BBS7: variants seen among roughly 807,000 people sequenced by gnomAD.
BBS7 encodes the protein Bardet-Biedl syndrome 7.
BBS7 carries 50 observed loss-of-function variants against 90.3 expected under a neutral mutation model. That is an observed-to-expected ratio of 0.55 (90% CI 0.44 to 0.70). The LOEUF (loss-of-function observed/expected upper bound fraction) is 0.70, where lower values mean the gene tolerates loss of function less well. Among genes scored for constraint, BBS7 ranks in the 30% least tolerant of loss-of-function variants. BBS7 has a pLI of 0.00. For missense variants in BBS7, 729 were observed against 838.9 expected, an observed-to-expected ratio of 0.87 and a Z score of 1.62; for synonymous variants, 235 against 287.4, an observed-to-expected ratio of 0.82 and a Z score of 1.85.
intron 3 of BBS7, among the ~76,000 whole-genome samples, chr4:121,862,208 T>C (rs1023855096): frequency 3.3e-5 from 5 of 152,220 alleles, no homozygotes; most frequent in African/African-American, 1.2e-4. Flanking sequence ...GTTAAAGGAC[T>C]ATAGAATTTA....
rs372685495 is a variant in BBS7, at chr4:121,839,665, C to T, written c.1337G>A (p.Arg446Gln). The stretch of plus-strand genomic sequence containing the variant: ...CAGCCTTGTAGTATCTGCCTGGCAC[C>T]GATAAGTGGCAAGAAGGAAGTTGTC... ...SNDNFLLATYRCQADTTRLEL... is the reference protein window; with the variant it reads ...SNDNFLLATYQCQADTTRLEL... The change falls in exon 13 of 19, where the codon CGG becomes CAG. Residue 446 changes from arginine (R) to glutamine (Q), a missense_variant. Coordinates refer to ENST00000264499, the MANE Select transcript of BBS7 (RefSeq NM_176824.3). 2.2e-4 allele frequency: 348 copies of T among 1,613,628 alleles called. 7 individuals are homozygous for T. The South Asian group carries it at 3.6e-3, about 17-fold the overall frequency.
At chr4:121,862,846 A>G (rs1273876054) in intron 3 of BBS7, among the ~76,000 whole-genome samples, 1 of 152,158 alleles carries the variant, frequency 6.6e-6, no homozygotes, top group African/African-American at 2.4e-5. Context: ...TTGGAATAAG[A>G]CCCCACACTC....
Position 121,833,362 on chromosome 4 carries a change from G to C in BBS7, c.1545C>G (p.Phe515Leu). 1 of 1,613,992 alleles carries C rather than the reference G, an allele frequency of 6.2e-7. No homozygotes were observed. The highest frequency in any genetic ancestry group is 8.5e-7 in the Non-Finnish European group (1 of 1,179,926). ...CCCAGGAGTGAACTTCAGCAAAACT[G>C]AACTGGCCTGTTAGGGTCAGTGTAT... ...PMNTLTLTGQ[F>L]SFAEVHSWVV... The change falls in exon 15 of 19, where the codon TTC becomes TTG. Residue 515 changes from phenylalanine (F) to leucine (L), a missense_variant. Coordinates refer to ENST00000264499, the MANE Select transcript of BBS7 (RefSeq NM_176824.3).
At chr4:121,846,514 T>TTCTAGC in intron 10 of BBS7, among the ~76,000 whole-genome samples, 1 of 152,306 alleles carries the variant, frequency 6.6e-6, no homozygotes, top group Non-Finnish European at 1.5e-5. Context: ...CAGATATAAG[T>TTCTAGC]TTCTCATAAA....
At chr4:121,835,085 A>C in intron 14 of BBS7, 59 bp downstream of exon 14, 1 of 1,558,658 alleles carries the variant, frequency 6.4e-7, no homozygotes. Flanking sequence ...AAAATAAAAA[A>C]CAGGTCTATT....
intron 8 of BBS7, among the ~76,000 whole-genome samples, chr4:121,852,196 G>A (rs1278645947): frequency 2.0e-5 from 3 of 152,118 alleles, no homozygotes; most frequent in Non-Finnish European, 4.4e-5. Context: ...CAAACCACTT[G>A]TATTTTCTGA....
At chr4:121,834,376 C>T (rs1725342607) in intron 14 of BBS7, among the ~76,000 whole-genome samples, 2 of 152,142 alleles carry the variant, frequency 1.3e-5, no homozygotes, top group African/African-American at 4.8e-5. Flanking sequence ...AGTCTGTTCT[C>T]TTAAATGTTT....
Position 121,861,529 on chromosome 4 carries a change from T to C in BBS7, c.316A>G (p.Asn106Asp). Residue 106 changes from asparagine to aspartate, a missense_variant, in exon 4 of 19, where the codon AAC (asparagine) becomes GAC (aspartate). Physicochemically the swap from Asn to Asp is conservative, Grantham distance 23. Coordinates refer to ENST00000264499, the MANE Select transcript of BBS7 (RefSeq NM_176824.3). The stretch of plus-strand genomic sequence containing the variant: ...ATAGCTTTAATGCTTTCAGTGAGGT[T>C]TGTTTCAAAGGAGAGGAACTGTTTT... ...RGKQFLSFETNLTESIKAMHI... is the reference protein window; with the variant it reads ...RGKQFLSFETDLTESIKAMHI... 1 of 1,613,604 alleles carries C rather than the reference T, an allele frequency of 6.2e-7. No individual in the cohort carries two copies. The highest frequency in any genetic ancestry group is 8.5e-7 in the Non-Finnish European group (1 of 1,179,704).
Position 121,832,009 on chromosome 4 carries a change from AACACACACACACACAC to A in BBS7, c.1676+1206_1676+1221del, listed in dbSNP as rs375865529. Among the ~76,000 whole-genome samples, 509 of 142,872 alleles carry A rather than the reference AACACACACACACACAC, an allele frequency of 3.6e-3. 3 individuals are homozygous for A. The highest frequency in any genetic ancestry group is 0.011 in the African/African-American group (413 of 37,388). 93.7% of individuals were successfully genotyped at this position (142,872 alleles called of 152,430 possible). On this transcript the variant is annotated intron_variant, in intron 15 of 18. Coordinates refer to ENST00000264499, the MANE Select transcript of BBS7 (RefSeq NM_176824.3). ...AATAACACAAAGCAAAAAAAACAAA[AACACACACACACACAC>A]ACACACACACACACACACAAAACAA...
At chr4:121,862,157 A>T (rs551296055) in intron 3 of BBS7, among the ~76,000 whole-genome samples, 1 of 152,312 alleles carries the variant, frequency 6.6e-6, no homozygotes, top group East Asian at 1.9e-4. Flanking sequence ...TTTTAAAACT[A>T]ATCTTTCCTG....
intron 15 of BBS7, among the ~76,000 whole-genome samples, chr4:121,830,785 G>A (rs766127044): frequency 6.6e-5 from 10 of 152,266 alleles, no homozygotes; most frequent in East Asian, 1.9e-4. Context: ...TCAGGCATCC[G>A]AAAAACATCT....
At position 121,825,637 on chromosome 4, in the gene BBS7, C is replaced by A. The variant is rs1724870811; in HGVS notation, c.*223G>T. Reference sequence around the variant, plus strand: ...AAATTCATTAAAATCCTATTTAAATCATTCTACTTGTGTTTTAAAAATAAA... The same window carrying A: ...AAATTCATTAAAATCCTATTTAAATAATTCTACTTGTGTTTTAAAAATAAA... On this transcript the variant is annotated 3_prime_UTR_variant, in exon 19 of 19. Coordinates refer to ENST00000264499, the MANE Select transcript of BBS7 (RefSeq NM_176824.3). The A allele has an allele frequency of 4.8e-6, 2 of 417,346 alleles. No homozygotes were observed. Among genetic ancestry groups the A allele is most frequent in the Non-Finnish European group, 8.3e-6 (2 of 239,528 alleles). The allele number at this position is 417,346 out of a possible 1,614,324, so 25.9% of individuals were successfully genotyped here. A position where few individuals can be genotyped will look rare whatever the true frequency, so the allele number is the denominator to read the frequency against.
At position 121,863,197 on chromosome 4, in the gene BBS7, C is replaced by A. The variant is rs562064936; in HGVS notation, c.165+20G>T. On this transcript the variant is annotated intron_variant, in intron 3 of 18. Transcript: ENST00000264499. ...TCTCTTTTAGAAAACCATTTTTCCC[C>A]TTCACAAAGCTATACTTACTGCTGC... 70 of 1,611,450 alleles carry A rather than the reference C, an allele frequency of 4.3e-5. No individual in the cohort carries two copies. In the South Asian group the frequency reaches 7.3e-4, roughly 17 times the overall value.
intron 4 of BBS7, among the ~76,000 whole-genome samples, chr4:121,860,764 A>T (rs1217641768): frequency 6.6e-6 from 1 of 152,142 alleles, no homozygotes; most frequent in Non-Finnish European, 1.5e-5. Context: ...ACATCAGGAG[A>T]TGTGCTGTGC....
intron 12 of BBS7, among the ~76,000 whole-genome samples, chr4:121,843,422 T>A (rs1179852718): frequency 6.6e-6 from 1 of 152,048 alleles, no homozygotes; most frequent in Non-Finnish European, 1.5e-5. Context: ...GGGGTAGGAA[T>A]GAAGCCAAGT....
intron 2 of BBS7, among the ~76,000 whole-genome samples, chr4:121,867,082 T>A (rs1295467820): frequency 6.6e-6 from 1 of 152,220 alleles, no homozygotes; most frequent in African/African-American, 2.4e-5. Flanking sequence ...TTTCCATTTG[T>A]TGGTATCCTC....
intron 1 of BBS7, 81 bp from the exon 2 acceptor site, chr4:121,868,127 G>A: frequency 1.8e-6 from 2 of 1,111,112 alleles, no homozygotes; most frequent in Non-Finnish European, 2.8e-6. Context: ...GAACCTTTTT[G>A]TTAAACTGAA....
At chr4:121,864,829 TATAAC>T (rs1272706629) in intron 2 of BBS7, among the ~76,000 whole-genome samples, 2 of 152,208 alleles carry the variant, frequency 1.3e-5, no homozygotes, top group Non-Finnish European at 2.9e-5. Context: ...TTTCAATACA[TATAAC>T]ATATACTGAT....
At chr4:121,829,549 C>T (rs189425708) in intron 15 of BBS7, among the ~76,000 whole-genome samples, 162 of 152,260 alleles carry the variant, frequency 1.1e-3, no homozygotes, top group African/African-American at 3.2e-3. Context: ...TGAGCCACCA[C>T]GCCCGGCCAG....
Sources: allele counts gnomAD v4.1 joint callset (sites outside exome capture counted in the v4.1 genomes callset), GRCh38; gene constraint gnomAD v4.1.1; transcripts MANE v1.5; gene names NCBI Gene and HGNC (gene_info 2026-07-23, HGNC 2026-07-21).